SYCP2: variants seen among roughly 807,000 people sequenced by gnomAD.
SYCP2 encodes the protein synaptonemal complex protein 2.
In SYCP2, 55 loss-of-function variants were observed where a neutral mutation model predicts 211.3. That is an observed-to-expected ratio of 0.26 (90% CI 0.21 to 0.33). The LOEUF is 0.33. Among genes scored for constraint, SYCP2 ranks in the 10% least tolerant of loss-of-function variants. SYCP2 has a pLI of 1.00. For missense variants in SYCP2, 1,731 were observed against 1,752.0 expected, an observed-to-expected ratio of 0.99 and a Z score of 0.21; for synonymous variants, 570 against 555.2, an observed-to-expected ratio of 1.03 and a Z score of -0.37.
At chr20:59,919,373 T>TC in intron 6 of SYCP2, 120 bp downstream of exon 6, 1 of 780,804 alleles carries the variant, frequency 1.3e-6, no homozygotes, top group South Asian at 1.6e-5. Context: ...AACAGACCAA[T>TC]CCAACCAAGT....
intron 26 of SYCP2, chr20:59,885,020 TAAG>T (rs1335052548): frequency 6.6e-6 from 1 of 151,880 alleles, no homozygotes; most frequent in Non-Finnish European, 1.5e-5. Context: ...AATAATCAGA[TAAG>T]AGGGTGAGAG....
At chr20:59,904,292 AT>A (rs764846881) in intron 15 of SYCP2, among the ~76,000 whole-genome samples, 8 of 152,082 alleles carry the variant, frequency 5.3e-5, no homozygotes, top group Non-Finnish European at 1.0e-4. Flanking sequence ...TATCTGCCAG[AT>A]TTTGGACTGA....
chr20:59,870,456 C>A (rs183053003), intron 35 of SYCP2, among the ~76,000 whole-genome samples: 57 of 151,268 alleles, frequency 3.8e-4, no homozygotes, highest in Non-Finnish European at 6.6e-4. Context: ...TTTTTTAATA[C>A]AGCAAAAAGA....
chr20:59,866,409 ATG>A lies in SYCP2; in HGVS notation c.4221-19_4221-18del. ...TTTTTAATCCTATTACAGAAACAAA[ATG>A]AGATTAATTTTAAAAACTGTAGCAT... On this transcript the variant is annotated intron_variant, in intron 40 of 44. Transcript: ENST00000357552. The A allele has an allele frequency of 1.3e-6, 2 of 1,562,998 alleles. No homozygotes were observed. Among genetic ancestry groups the A allele is most frequent in the Middle Eastern group, 1.7e-4 (1 of 5,918 alleles).
Position 59,901,684 on chromosome 20 carries a change from ATTT to A in SYCP2, c.1157_1159del (p.Lys386del). ...TACCCTATGTTTAGTTGCACCAAAA[ATTT>A]TTTGAGTTACATTAGTGATTTCTAG... On this transcript the variant is annotated inframe_deletion, in exon 16 of 45. Coordinates refer to ENST00000357552, the MANE Select transcript of SYCP2 (RefSeq NM_014258.4). The A allele has an allele frequency of 1.3e-6, 2 of 1,581,938 alleles. No individual in the cohort carries two copies.
chr20:59,929,050 A>G (rs896170883), intron 2 of SYCP2, among the ~76,000 whole-genome samples: 8 of 152,162 alleles, frequency 5.3e-5, no homozygotes, highest in African/African-American at 1.7e-4. Context: ...TATTATGAAG[A>G]ACTTAACAAA....
Position 59,865,809 on chromosome 20 carries a change from C to T in SYCP2, c.4377G>A (p.Gln1459=), listed in dbSNP as rs1364779659. The stretch of plus-strand genomic sequence containing the variant: ...GCCATTAAGAATGTCATACTAACCT[C>T]TGTTGTTCGCTTTTTTGATATGCAC... ...KFSAYQKSEQ[Q]RLHLLKTSLA... is the part of the protein sequence containing the mutation. The change falls in exon 42 of 45, where the codon CAG becomes CAA. Residue 1459 remains glutamine, a splice_region_variant and synonymous_variant. Transcript: ENST00000357552. 4.2e-6 allele frequency: 6 copies of T among 1,421,556 alleles called. No individual in the cohort carries two copies. The highest frequency in any genetic ancestry group is 2.9e-5 in the African/African-American group (2 of 68,396). 88.1% of individuals were successfully genotyped at this position (1,421,556 alleles called of 1,614,324 possible). A position where few individuals can be genotyped will look rare whatever the true frequency, so the allele number is the denominator to read the frequency against.
At chr20:59,924,733 G>A (rs2060602841) in intron 2 of SYCP2, among the ~76,000 whole-genome samples, 1 of 151,824 alleles carries the variant, frequency 6.6e-6, no homozygotes, top group Non-Finnish European at 1.5e-5. Flanking sequence ...GAAATAAAAA[G>A]AAAAGATAGC....
At chr20:59,900,648 C>G in intron 17 of SYCP2, 96 bp downstream of exon 17, 1 of 865,796 alleles carries the variant, frequency 1.2e-6, no homozygotes, top group South Asian at 1.6e-5. Flanking sequence ...CATTTGTTTT[C>G]TATATATTCA....
intron 25 of SYCP2, 28 bp from the exon 26 acceptor site, chr20:59,885,992 A>T (rs2059780444): frequency 6.4e-7 from 1 of 1,568,976 alleles, no homozygotes; most frequent in Middle Eastern, 1.7e-4. Context: ...GTCAAAATTG[A>T]AAAAGCAAAT....
chr20:59,924,939 A>C (rs2060607822), intron 2 of SYCP2, among the ~76,000 whole-genome samples: 1 of 151,992 alleles, frequency 6.6e-6, no homozygotes, highest in Admixed American at 6.6e-5. Context: ...GTTCAACTGG[A>C]TGTTCATAAG....
chr20:59,887,006 A>AT lies in SYCP2; in HGVS notation c.2365-173dup, dbSNP rs548265002. Among the ~76,000 whole-genome samples the AT allele has an allele frequency of 7.7e-3, 1,171 of 151,258 alleles. 20 individuals carry two copies. Among genetic ancestry groups the AT allele is most frequent in the African/African-American group, 0.027 (1,101 of 41,272 alleles). Reference sequence around the variant, plus strand: ...CTTTGTTAGGCATTAAAATAAGATAATTTTTTTTATTATACTTTAAGTTCT... The same window carrying AT: ...CTTTGTTAGGCATTAAAATAAGATAATTTTTTTTTATTATACTTTAAGTTCT... On this transcript the variant is annotated intron_variant, in intron 24 of 44. Coordinates refer to ENST00000357552, the MANE Select transcript of SYCP2 (RefSeq NM_014258.4).
chr20:59,866,433 G>A lies in SYCP2; in HGVS notation c.4221-41C>T, dbSNP rs750299806. On this transcript the variant is annotated intron_variant, in intron 40 of 44. Transcript: ENST00000357552. ...AATGAGATTAATTTTAAAAACTGTA[G>A]CATTCAGAATATAGGAATATGTAGC... 5 of 1,556,086 alleles carry A rather than the reference G, an allele frequency of 3.2e-6. No homozygotes were observed. The Admixed American group carries it at 7.2e-5, about 23-fold the overall frequency.
At chr20:59,867,687 A>T (rs1319358662) in intron 39 of SYCP2, 24 bp downstream of exon 39, 2 of 1,585,042 alleles carry the variant, frequency 1.3e-6, no homozygotes, top group East Asian at 4.5e-5. Context: ...TTGGGTATAA[A>T]TCATAATTTA....
chr20:59,920,028 G>C (rs2060512035), intron 5 of SYCP2, among the ~76,000 whole-genome samples: 1 of 151,398 alleles, frequency 6.6e-6, no homozygotes, highest in South Asian at 2.1e-4. Flanking sequence ...GAACCAAAGA[G>C]ACAAAAATCA....
Position 59,921,414 on chromosome 20 carries a change from C to G in SYCP2, c.64G>C (p.Asp22His), listed in dbSNP as rs151338034. The change falls in exon 4 of 45, where the codon GAT becomes CAT. Residue 22 changes from aspartate to histidine, a missense_variant. Asp to His is a moderately conservative substitution (Grantham distance 81). This residue lies in a region of SYCP2 where 335 missense variants were observed against 378.8 expected (regional missense o/e 0.88). Coordinates refer to ENST00000357552, the MANE Select transcript of SYCP2 (RefSeq NM_014258.4). Reference sequence around the variant, plus strand: ...AAAAGTGTTTTCAAAGGTTTGAAATCATTTTTTCTTAAAGCATCATCAATG... The same window carrying G: ...AAAAGTGTTTTCAAAGGTTTGAAATGATTTTTTCTTAAAGCATCATCAATG... ...KCIDDALRKNDFKPLKTLLQI... is the reference protein window; with the variant it reads ...KCIDDALRKNHFKPLKTLLQI... 6.2e-7 allele frequency: 1 copy of G among 1,604,494 alleles called. No individual in the cohort carries two copies. Among genetic ancestry groups the G allele is most frequent in the East Asian group, 2.2e-5 (1 of 44,478 alleles).
chr20:59,877,458 T>C lies in SYCP2; in HGVS notation c.3077A>G (p.Lys1026Arg). ...CTCTGATTCTGAATTTGAGAGATCTTTATAGTTTTTTTTTGTTTTGGTTGC... is the reference window on the plus strand; with the variant it reads ...CTCTGATTCTGAATTTGAGAGATCTCTATAGTTTTTTTTTGTTTTGGTTGC... ...RKATKTKKNY[K>R]DLSNSESECE... Residue 1026 changes from lysine to arginine, a missense_variant, in exon 33 of 45, where the codon AAA (lysine) becomes AGA (arginine). This residue lies in a region of SYCP2 where 1,387 missense variants were observed against 1,351.3 expected (regional missense o/e 1.03). Coordinates refer to ENST00000357552, the MANE Select transcript of SYCP2 (RefSeq NM_014258.4). 1 of 1,606,108 alleles carries C rather than the reference T, an allele frequency of 6.2e-7. No homozygotes were observed. The highest frequency in any genetic ancestry group is 8.5e-7 in the Non-Finnish European group (1 of 1,177,892).
rs539198678 is a variant in SYCP2, at chr20:59,867,333, A to G, written c.4125+378T>C. The stretch of plus-strand genomic sequence containing the variant: ...CTATAATACAAAACTAGTAAAACAA[A>G]ATGAAATGGTATTGCTCTGACTGCA... On this transcript the variant is annotated intron_variant, in intron 39 of 44. Transcript: ENST00000357552. Among the ~76,000 whole-genome samples, 9 of 151,906 alleles carry G rather than the reference A, an allele frequency of 5.9e-5. No individual in the cohort carries two copies. The East Asian group carries it at 1.4e-3, about 23-fold the overall frequency.
rs1712679100 is a variant in SYCP2, at chr20:59,864,193, T to C, written c.*118A>G. On this transcript the variant is annotated 3_prime_UTR_variant, in exon 45 of 45. Transcript: ENST00000357552. ...TTTTTTTTTAATTTGAGGGTTCCTA[T>C]AAAGGGTACACTTGCTTCGGTGACA... 1.5e-6 allele frequency: 1 copy of C among 665,714 alleles called. No individual in the cohort carries two copies. The allele number at this position is 665,714 out of a possible 1,614,324, so 41.2% of individuals were successfully genotyped here. A position where few individuals can be genotyped will look rare whatever the true frequency, so the allele number is the denominator to read the frequency against.
Sources: gnomAD v4.1 joint callset for allele counts (sites outside exome capture counted in the v4.1 genomes callset) on GRCh38, gnomAD v4.1.1 for gene constraint, gnomAD v4.1.1 regional missense constraint, MANE v1.5 for transcripts, NCBI Gene and HGNC (gene_info 2026-07-23, HGNC 2026-07-21) for gene names.